The following CFHR5 variants were observed in gnomAD, a reference collection of about 807,000 sequenced individuals.
CFHR5 encodes complement factor H-related protein 5.
In CFHR5, 73 loss-of-function variants were observed where a neutral mutation model predicts 62.9. That is an observed-to-expected ratio of 1.16 (90% CI 0.96 to 1.41). The LOEUF (loss-of-function observed/expected upper bound fraction) is 1.41, where lower values mean the gene tolerates loss of function less well. CFHR5 is among the 40% of genes most tolerant of loss of function. The pLI is 0.00. For synonymous variants in CFHR5, 249 were observed against 227.2 expected, an observed-to-expected ratio of 1.10 and a Z score of -0.86; for missense variants, 779 against 679.9, an observed-to-expected ratio of 1.15 and a Z score of -1.62.
chr1:197,001,888 C>T (rs972630228), intron 7 of CFHR5, among the ~76,000 whole-genome samples: 1 of 152,050 alleles, frequency 6.6e-6, no homozygotes, highest in African/African-American at 2.4e-5. Context: ...TTAGAAAACG[C>T]TTTGGCATCC....
intron 9 of CFHR5, among the ~76,000 whole-genome samples, chr1:197,006,462 G>A (rs1654292276): frequency 6.6e-6 from 1 of 152,048 alleles, no homozygotes; most frequent in South Asian, 2.1e-4. Context: ...TGTATTCCCA[G>A]CACTTTGGGA....
intron 3 of CFHR5, among the ~76,000 whole-genome samples, chr1:196,985,493 C>CA (rs796371065): frequency 0.027 from 3,747 of 136,560 alleles, 134 homozygotes; most frequent in African/African-American, 0.087. Flanking sequence ...TTAACATTTG[C>CA]AAAAAAAAAA....
At chr1:196,985,498 A>T (rs1034343737) in intron 3 of CFHR5, among the ~76,000 whole-genome samples, 3 of 152,154 alleles carry the variant, frequency 2.0e-5, no homozygotes, top group African/African-American at 7.2e-5. Context: ...ATTTGCAAAA[A>T]AAAAAAATAA....
intron 1 of CFHR5, among the ~76,000 whole-genome samples, chr1:196,980,546 C>T (rs1425722690): frequency 6.6e-6 from 1 of 151,204 alleles, no homozygotes; most frequent in Non-Finnish European, 1.5e-5. Context: ...CAGTCATTGA[C>T]CAAAACGTCA....
rs1558288996 is a variant in CFHR5, at chr1:196,999,718, T to TAC, written c.1147+1415_1147+1416insCA. 2.1e-3 allele frequency among the ~76,000 whole-genome samples: 95 copies of TAC among 45,244 alleles called. 1 individual carries two copies. Among genetic ancestry groups the TAC allele is most frequent in the African/African-American group, 4.6e-3 (86 of 18,878 alleles). The allele number at this position is 45,244 out of a possible 152,430, so 29.7% of individuals were successfully genotyped here. On this transcript the variant is annotated intron_variant, in intron 7 of 9. Coordinates refer to ENST00000256785, the MANE Select transcript of CFHR5 (RefSeq NM_030787.4). The stretch of plus-strand genomic sequence containing the variant: ...ATATATATATATATATATATATATA[T>TAC]ATATACACACACACACATATATATA...
Position 197,004,741 on chromosome 1 carries a change from G to C in CFHR5, c.1411G>C (p.Gly471Arg), listed in dbSNP as rs750401965. 46 of 1,613,006 alleles carry C rather than the reference G, an allele frequency of 2.9e-5. No individual in the cohort carries two copies. Among genetic ancestry groups the C allele is most frequent in the Admixed American group, 5.0e-5 (3 of 59,950 alleles). The change falls in exon 9 of 10, where the codon GGG (glycine) becomes CGG (arginine). Residue 471 changes from glycine to arginine, a missense_variant. Gly to Arg is a moderately radical substitution (Grantham distance 125). Transcript: ENST00000256785. Reference protein sequence around the residue: ...TSFPLSVYPPGSTVTYRCQSF... With the variant: ...TSFPLSVYPPRSTVTYRCQSF... ...ATTCCCATTATCAGTATATCCTCCAGGGTCAACAGTGACGTACCGTTGCCA... is the reference window on the plus strand; with the variant it reads ...ATTCCCATTATCAGTATATCCTCCACGGTCAACAGTGACGTACCGTTGCCA...
chr1:197,004,545 T>C, intron 8 of CFHR5, 116 bp from the exon 9 acceptor site: 1 of 831,904 alleles, frequency 1.2e-6, no homozygotes, highest in East Asian at 2.5e-5. Context: ...AGAAATACTG[T>C]AATTAATTAT....
intron 3 of CFHR5, among the ~76,000 whole-genome samples, chr1:196,990,118 T>A (rs967599708): frequency 1.3e-5 from 2 of 152,206 alleles, no homozygotes; most frequent in East Asian, 1.9e-4. Flanking sequence ...TTTACCATTA[T>A]GTAATGGCCT....
At chr1:196,991,963 G>T (rs1653858488) in intron 3 of CFHR5, among the ~76,000 whole-genome samples, 1 of 152,210 alleles carries the variant, frequency 6.6e-6, no homozygotes, top group Admixed American at 6.5e-5. Flanking sequence ...AGTTTCTGCT[G>T]CCTTTTGTTC....
chr1:196,980,163 A>G (rs1653502029), intron 1 of CFHR5, among the ~76,000 whole-genome samples: 1 of 152,126 alleles, frequency 6.6e-6, no homozygotes, highest in Non-Finnish European at 1.5e-5. Context: ...AGTAACATGC[A>G]TGGAGCTGTC....
chr1:197,004,903 G>C, intron 9 of CFHR5, 60 bp downstream of exon 9: 1 of 1,342,064 alleles, frequency 7.5e-7, no homozygotes, highest in Non-Finnish European at 1.1e-6. Flanking sequence ...AATTTTTTTG[G>C]ACTAATTTCA....
chr1:196,982,829 T>G (rs1227547801), intron 1 of CFHR5, 56 bp from the exon 2 acceptor site: 2 of 1,475,204 alleles, frequency 1.4e-6, no homozygotes, highest in Non-Finnish European at 1.9e-6. Flanking sequence ...TATAATCTAG[T>G]GATTCATCGA....
At chr1:196,983,907 A>G in intron 2 of CFHR5, 54 bp from the exon 3 acceptor site, 3 of 1,243,656 alleles carry the variant, frequency 2.4e-6, no homozygotes, top group Admixed American at 1.8e-5. Context: ...ATATTTTTAA[A>G]TGCACTTTTT....
At chr1:196,997,860 C>A (rs1420262729) in intron 6 of CFHR5, among the ~76,000 whole-genome samples, 1 of 152,134 alleles carries the variant, frequency 6.6e-6, no homozygotes, top group African/African-American at 2.4e-5. Flanking sequence ...TAAGAACTAT[C>A]TTTCAGTCAA....
chr1:196,996,661 T>C (rs1653998257), intron 6 of CFHR5, among the ~76,000 whole-genome samples: 1 of 152,120 alleles, frequency 6.6e-6, no homozygotes, highest in South Asian at 2.1e-4. Context: ...ATGTTCCAGA[T>C]AGAACAACCT....
At chr1:196,986,913 T>A (rs367749444) in intron 3 of CFHR5, among the ~76,000 whole-genome samples, 2 of 152,198 alleles carry the variant, frequency 1.3e-5, no homozygotes, top group South Asian at 2.1e-4. Context: ...CAAATGGTAT[T>A]TCTGGTTCTA....
chr1:196,990,753 T>C (rs997088647), intron 3 of CFHR5, among the ~76,000 whole-genome samples: 13 of 152,198 alleles, frequency 8.5e-5, no homozygotes, highest in African/African-American at 2.2e-4. Context: ...ATTAGTCTGA[T>C]GGGCTTCCCT....
In CFHR5 at chr1:197,002,506, C is replaced by T. The variant is rs201989784; in HGVS notation, c.1172C>T (p.Pro391Leu). 24 of 1,613,126 alleles carry T rather than the reference C, an allele frequency of 1.5e-5. No individual in the cohort carries two copies. The African/African-American group carries it at 1.9e-4, about 13-fold the overall frequency. ...CTEKREQFCPPPPQIPNAQNM... is the reference protein window; with the variant it reads ...CTEKREQFCPLPPQIPNAQNM... ...GAAAAAAGGGAACAATTCTGCCCAC[C>T]GCCACCTCAGATACCTAATGCTCAG... The change falls in exon 8 of 10, where the codon CCG becomes CTG. Residue 391 changes from proline to leucine, a missense_variant. Physicochemically the swap from Pro to Leu is moderately conservative, Grantham distance 98. Transcript: ENST00000256785.
chr1:197,002,527 C>G lies in CFHR5; in HGVS notation c.1193C>G (p.Ala398Gly). ...FCPPPPQIPN[A>G]QNMTTTVNYQ... ...CCACCGCCACCTCAGATACCTAATG[C>G]TCAGAATATGACAACCACAGTGAAT... Residue 398 changes from alanine (A) to glycine (G), a missense_variant, in exon 8 of 10, where the codon GCT (alanine) becomes GGT (glycine). Physicochemically the swap from Ala to Gly is moderately conservative, Grantham distance 60. Coordinates refer to ENST00000256785, the MANE Select transcript of CFHR5 (RefSeq NM_030787.4). The G allele has an allele frequency of 6.2e-7, 1 of 1,613,454 alleles. No homozygotes were observed. The highest frequency in any genetic ancestry group is 8.5e-7 in the Non-Finnish European group (1 of 1,179,672).
Sources: gnomAD v4.1 joint callset for allele counts (sites outside exome capture counted in the v4.1 genomes callset) on GRCh38, gnomAD v4.1.1 for gene constraint, MANE v1.5 for transcripts, NCBI Gene and HGNC (gene_info 2026-07-23, HGNC 2026-07-21) for gene names.